The following NUDC variants were observed in gnomAD, a reference collection of about 807,000 sequenced individuals.
NUDC encodes the protein nuclear migration protein nudC.
In NUDC, 14 loss-of-function variants were observed where a neutral mutation model predicts 45.0. The ratio of observed to expected loss-of-function variants is 0.31; its 90% CI spans 0.21 to 0.49. NUDC has a LOEUF of 0.49. NUDC is among the 20% of genes least tolerant of loss of function. The pLI, the probability that NUDC is intolerant of heterozygous loss-of-function variation, is 0.99. For missense variants in NUDC, 323 were observed against 426.2 expected (o/e 0.76, Z 2.13); for synonymous variants, 153 against 156.7 (o/e 0.98, Z 0.17).
At chr1:26,919,393 CAG>C (rs2082077897), upstream of NUDC, among the ~76,000 whole-genome samples, 1 of 152,176 alleles carries the variant, frequency 6.6e-6, no homozygotes, top group South Asian at 2.1e-4. Context: ...TTTGTAGAGA[CAG>C]GGTTTTGCTG....
intron 2 of NUDC, among the ~76,000 whole-genome samples, chr1:26,930,955 G>A (rs767009877): frequency 6.6e-6 from 1 of 151,834 alleles, no homozygotes; most frequent in Non-Finnish European, 1.5e-5. Flanking sequence ...GACAGAGTTT[G>A]CAGTGAGCCG....
At chr1:26,912,425 T>C (rs1268427236) in intron 3 of NUDC, among the ~76,000 whole-genome samples, 1 of 152,132 alleles carries the variant, frequency 6.6e-6, no homozygotes, top group Non-Finnish European at 1.5e-5. Flanking sequence ...GGAATAATAA[T>C]ATTAATAGGA....
At chr1:26,931,009 C>G (rs1438965696) in intron 2 of NUDC, among the ~76,000 whole-genome samples, 1 of 152,000 alleles carries the variant, frequency 6.6e-6, no homozygotes, top group African/African-American at 2.4e-5. Context: ...GAGCGAGACT[C>G]TGTCTCAGAA....
chr1:26,936,362 G>A (rs1163632052), intron 2 of NUDC, among the ~76,000 whole-genome samples: 1 of 150,158 alleles, frequency 6.7e-6, no homozygotes, highest in Admixed American at 6.7e-5. Flanking sequence ...GCTAATTTTT[G>A]TATTTTTAGT....
chr1:26,936,810 T>C (rs1449350081), intron 2 of NUDC, among the ~76,000 whole-genome samples: 2 of 151,902 alleles, frequency 1.3e-5, no homozygotes, highest in Non-Finnish European at 2.9e-5. Flanking sequence ...TGACACCAAA[T>C]GTGTGGGGTT....
At chr1:26,941,960 AT>A in intron 4 of NUDC, 142 bp downstream of exon 4, 2 of 847,580 alleles carry the variant, frequency 2.4e-6, no homozygotes, top group Non-Finnish European at 3.9e-6. Flanking sequence ...ATACTTTAAG[AT>A]CACACTCAGA....
intron 6 of NUDC, chr1:26,945,153 A>G: frequency 3.4e-6 from 2 of 594,706 alleles, no homozygotes; most frequent in Non-Finnish European, 6.0e-6. Flanking sequence ...ACCCTGGATG[A>G]ATATCTCCCT....
chr1:26,933,533 C>G (rs1006512788), intron 2 of NUDC, among the ~76,000 whole-genome samples: 1 of 152,068 alleles, frequency 6.6e-6, no homozygotes, highest in South Asian at 2.1e-4. Context: ...CCTGCCTCAG[C>G]TTCCTGAGTA....
At chr1:26,916,476 C>A (rs999746637) in intron 3 of NUDC, among the ~76,000 whole-genome samples, 1 of 152,112 alleles carries the variant, frequency 6.6e-6, no homozygotes, top group Non-Finnish European at 1.5e-5. Flanking sequence ...CAATGGGAAC[C>A]CTTTCAAGCT....
chr1:26,926,601 C>A (rs933721655), intron 2 of NUDC, among the ~76,000 whole-genome samples: 2 of 151,756 alleles, frequency 1.3e-5, no homozygotes, highest in African/African-American at 4.8e-5. Flanking sequence ...TTTATTTTTT[C>A]TTTCTTTTTT....
In NUDC at chr1:26,946,825, A is replaced by G. The variant is rs12239963; in HGVS notation, c.*644A>G. 101 of 157,562 alleles carry G rather than the reference A, an allele frequency of 6.4e-4. No individual in the cohort carries two copies. Among genetic ancestry groups the G allele is most frequent in the Non-Finnish European group, 1.2e-3 (84 of 71,102 alleles). 9.8% of individuals were successfully genotyped at this position (157,562 alleles called of 1,614,324 possible). On this transcript the variant is annotated 3_prime_UTR_variant, in exon 9 of 9. Coordinates refer to ENST00000321265, the MANE Select transcript of NUDC (RefSeq NM_006600.4). ...CGAGATTGCACTACTTCACTCCAGC[A>G]TGGGTGACAGAGACTCCATCTCAAA...
intron 2 of NUDC, among the ~76,000 whole-genome samples, chr1:26,924,750 A>T (rs985763947): frequency 2.0e-5 from 3 of 152,018 alleles, no homozygotes; most frequent in Non-Finnish European, 4.4e-5. Context: ...ACGAGGTTTC[A>T]TCATATTGGC....
intron 1 of NUDC, chr1:26,922,578 A>G (rs1032954589): frequency 6.5e-6 from 1 of 152,676 alleles, no homozygotes; most frequent in Non-Finnish European, 1.5e-5. Flanking sequence ...ATAAGGGCCA[A>G]CTGTTACAGA....
intron 2 of NUDC, among the ~76,000 whole-genome samples, chr1:26,907,499 T>A (rs997080093): frequency 1.3e-5 from 2 of 151,876 alleles, no homozygotes; most frequent in African/African-American, 4.9e-5. Context: ...ATAGAATGAA[T>A]TAATGGATGG....
At chr1:26,935,108 A>G (rs1327930355) in intron 2 of NUDC, among the ~76,000 whole-genome samples, 1 of 151,904 alleles carries the variant, frequency 6.6e-6, no homozygotes, top group Non-Finnish European at 1.5e-5. Context: ...CAGCCTCCCA[A>G]GTAGCTGGGA....
intron 3 of NUDC, chr1:26,911,458 C>CA (rs141555161): frequency 2.9e-6 from 1 of 344,690 alleles, no homozygotes; most frequent in East Asian, 7.7e-5. Flanking sequence ...CAGTCCCTTC[C>CA]ATATGCACAA....
At chr1:26,916,274 C>A (rs904015852) in intron 3 of NUDC, among the ~76,000 whole-genome samples, 1 of 151,798 alleles carries the variant, frequency 6.6e-6, no homozygotes, top group Non-Finnish European at 1.5e-5. Flanking sequence ...GTAGTCCCAA[C>A]TACTTGAGAG....
chr1:26,917,882 G>A (rs1296960311), upstream of NUDC, among the ~76,000 whole-genome samples: 5 of 147,688 alleles, frequency 3.4e-5, no homozygotes, highest in South Asian at 2.1e-4. Context: ...GTGAGACTGC[G>A]TCTCAAAAAA....
At chr1:26,906,719 G>A (rs2082004580) in intron 2 of NUDC, among the ~76,000 whole-genome samples, 1 of 151,552 alleles carries the variant, frequency 6.6e-6, no homozygotes, top group Admixed American at 6.6e-5. Flanking sequence ...CGTGGTGGCG[G>A]GCGCCTGTAG....
Sources: gnomAD v4.1 joint callset for allele counts (sites outside exome capture counted in the v4.1 genomes callset) on GRCh38, gnomAD v4.1.1 for gene constraint, MANE v1.5 for transcripts, NCBI Gene and HGNC (gene_info 2026-07-23, HGNC 2026-07-21) for gene names.